Variants in SLC60A1 observed in about 807,000 individuals in gnomAD.
The protein encoded by SLC60A1 is solute carrier family 60 member 1.
chr1:205,584,117 C>T, the SLC60A1 span: 1 of 1,613,444 alleles, frequency 6.2e-7, no homozygotes, highest in South Asian at 1.1e-5. Context: ...GTTTCAGTCA[C>T]ACCTAGGTAG....
the SLC60A1 span, among the ~76,000 whole-genome samples, chr1:205,595,990 G>C: frequency 9.9e-5 from 15 of 152,172 alleles, no homozygotes; most frequent in African/African-American, 3.4e-4. Flanking sequence ...TAGAAAAGCA[G>C]AGAGGAAAAT....
At chr1:205,580,254 C>A in the SLC60A1 span, among the ~76,000 whole-genome samples, 2 of 152,280 alleles carry the variant, frequency 1.3e-5, no homozygotes, top group East Asian at 3.9e-4. This position sits in a 1 kb window ranked among gnomAD's most constrained non-coding sequence, Gnocchi z 5.0. Flanking sequence ...TCTTTCTCCC[C>A]CCGGGATTCA....
chr1:205,584,963 T>C, the SLC60A1 span: 4 of 1,613,926 alleles, frequency 2.5e-6, no homozygotes, highest in South Asian at 2.2e-5. Flanking sequence ...ACGGGCGCCC[T>C]GGTACTGTTC....
the SLC60A1 span, chr1:205,583,898 G>C: frequency 3.8e-6 from 6 of 1,576,608 alleles, no homozygotes; most frequent in Non-Finnish European, 5.1e-6. Context: ...CAGAGGCCAG[G>C]CGTGGGAAGG....
the SLC60A1 span, among the ~76,000 whole-genome samples, chr1:205,572,207 C>T: frequency 6.6e-6 from 1 of 152,106 alleles, no homozygotes; most frequent in Non-Finnish European, 1.5e-5. Flanking sequence ...TGTGCTTTGT[C>T]AGGCAGGAAA....
chr1:205,591,960 A>C, the SLC60A1 span: 3 of 744,750 alleles, frequency 4.0e-6, no homozygotes, highest in Admixed American at 2.9e-5. Context: ...CAGATGTCAG[A>C]ACGGTCCCCG....
At chr1:205,597,596 A>T in the SLC60A1 span, 1 of 551,490 alleles carries the variant, frequency 1.8e-6, no homozygotes, top group South Asian at 2.1e-5. Flanking sequence ...AAGTCTTGTG[A>T]TATTGCCCAG....
At chr1:205,571,547 C>T in the SLC60A1 span, among the ~76,000 whole-genome samples, 241 of 152,230 alleles carry the variant, frequency 1.6e-3, no homozygotes, top group African/African-American at 5.5e-3. Context: ...AGTCCTCCCA[C>T]CCCCAAGACA....
chr1:205,584,129 G>A, the SLC60A1 span: 1 of 1,612,106 alleles, frequency 6.2e-7, no homozygotes, highest in Non-Finnish European at 8.5e-7. Context: ...CCTAGGTAGG[G>A]GCTCTAATGA....
At chr1:205,598,862 C>T in the SLC60A1 span, 193,099 of 473,374 alleles carry the variant, frequency 0.41, 40,265 homozygotes, top group Middle Eastern at 0.44. Context: ...TGATAGAGAT[C>T]GTCAGAAGGT....
the SLC60A1 span, among the ~76,000 whole-genome samples, chr1:205,597,373 G>GTTTTTTTTTTT: frequency 1.6e-4 from 6 of 37,228 alleles, no homozygotes; most frequent in Non-Finnish European, 2.8e-4. Context: ...AACCTAGGTT[G>GTTTTTTTTTTT]TTTTTTTTTT....
chr1:205,584,216 T>TG, the SLC60A1 span: 1 of 1,152,844 alleles, frequency 8.7e-7, no homozygotes, highest in Non-Finnish European at 1.2e-6. Flanking sequence ...AGATCACAGG[T>TG]GATTTTTTTT....
the SLC60A1 span, among the ~76,000 whole-genome samples, chr1:205,589,626 T>C: frequency 6.6e-6 from 1 of 152,170 alleles, no homozygotes; most frequent in Non-Finnish European, 1.5e-5. Flanking sequence ...TTATTATTGT[T>C]TTTTTTAGAG....
the SLC60A1 span, chr1:205,586,228 C>T: frequency 6.2e-7 from 1 of 1,612,228 alleles, no homozygotes; most frequent in Non-Finnish European, 8.5e-7. Context: ...GAATAGCCTC[C>T]TCTCTCTTCT....
At chr1:205,572,670 C>T in the SLC60A1 span, among the ~76,000 whole-genome samples, 6 of 152,122 alleles carry the variant, frequency 3.9e-5, no homozygotes, top group Non-Finnish European at 8.8e-5. Flanking sequence ...TGTGGTTGGT[C>T]TCCCATCCAG....
At chr1:205,580,644 C>CACAG in the SLC60A1 span, 1 of 1,603,358 alleles carries the variant, frequency 6.2e-7, no homozygotes, top group East Asian at 2.2e-5. The surrounding 1 kb of genome is among the most constrained non-coding windows in gnomAD (Gnocchi z 5.0). Context: ...CACCCGCCAC[C>CACAG]TCTCCTCTGT....
At chr1:205,592,134 C>T in the SLC60A1 span, 1 of 1,613,836 alleles carries the variant, frequency 6.2e-7, no homozygotes. Context: ...ACCTCTGCCG[C>T]GACAGGTTGG....
chr1:205,582,491 T>C, the SLC60A1 span, among the ~76,000 whole-genome samples: 3 of 152,342 alleles, frequency 2.0e-5, no homozygotes, highest in Non-Finnish European at 4.4e-5. Context: ...CTTATAAAAT[T>C]GGGTGTGTTC....
chr1:205,580,726 T>G, the SLC60A1 span: 1 of 1,613,938 alleles, frequency 6.2e-7, no homozygotes, highest in Non-Finnish European at 8.5e-7. The surrounding 1 kb of genome is among the most constrained non-coding windows in gnomAD (Gnocchi z 5.0). Flanking sequence ...CTTTCCTGTC[T>G]GAGGCCAACT....
Sources: gnomAD v4.1 joint callset for allele counts (sites outside exome capture counted in the v4.1 genomes callset) on GRCh38, gnomAD v4.1.1 for gene constraint, Gnocchi (gnomAD v3.1) non-coding constraint, MANE v1.5 for transcripts, NCBI Gene and HGNC (gene_info 2026-07-23, HGNC 2026-07-21) for gene names.